CLVS1: variants seen among roughly 807,000 people sequenced by gnomAD.
CLVS1 encodes the protein clavesin-1.
In CLVS1, 10 loss-of-function variants were observed where a neutral mutation model predicts 33.1. That is an observed-to-expected ratio of 0.30 (90% CI 0.19 to 0.51). The LOEUF (loss-of-function observed/expected upper bound fraction) is 0.51, where lower values mean the gene tolerates loss of function less well. Among genes scored for constraint, CLVS1 ranks in the 20% least tolerant of loss-of-function variants. The pLI is 0.97. For synonymous variants in CLVS1, 163 were observed against 166.1 expected, an observed-to-expected ratio of 0.98 and a Z score of 0.14; for missense variants, 343 against 433.4, an observed-to-expected ratio of 0.79 and a Z score of 1.85.
chr8:61,393,751 T>C (rs1171625064), intron 3 of CLVS1, among the ~76,000 whole-genome samples: 2 of 152,156 alleles, frequency 1.3e-5, no homozygotes, highest in Admixed American at 1.3e-4. Flanking sequence ...AGTCCTGTGA[T>C]GTGATCCATT....
the CLVS1 span, among the ~76,000 whole-genome samples, chr8:61,044,366 C>T: frequency 6.6e-6 from 1 of 152,134 alleles, no homozygotes; most frequent in Non-Finnish European, 1.5e-5. Context: ...TGACCACATG[C>T]CAATCATGAA....
intron 1 of CLVS1, among the ~76,000 whole-genome samples, chr8:61,086,482 A>G (rs1414319526): frequency 1.3e-5 from 2 of 152,214 alleles, no homozygotes; most frequent in Non-Finnish European, 2.9e-5. Context: ...AGCAATATTC[A>G]TGGTTTATCT....
intron 1 of CLVS1, among the ~76,000 whole-genome samples, chr8:61,114,577 C>T (rs1805684084): frequency 6.6e-6 from 1 of 152,186 alleles, no homozygotes; most frequent in Non-Finnish European, 1.5e-5. Context: ...CTAGCTGCTA[C>T]ACTACATTTC....
At chr8:61,271,692 G>C (rs1279627550) in intron 2 of CLVS1, among the ~76,000 whole-genome samples, 1 of 92,224 alleles carries the variant, frequency 1.1e-5, no homozygotes, top group Non-Finnish European at 1.9e-5. Flanking sequence ...TATGAATCTG[G>C]GTGCTCCTGT....
the CLVS1 span, among the ~76,000 whole-genome samples, chr8:60,987,197 C>T: frequency 6.6e-6 from 1 of 152,190 alleles, no homozygotes; most frequent in Admixed American, 6.5e-5. Context: ...AGGGGAGCCA[C>T]ATACCCAGCT....
At position 61,355,815 on chromosome 8, in the gene CLVS1, G is replaced by T. The variant is rs568647672; in HGVS notation, c.456-20790G>T. On this transcript the variant is annotated intron_variant, in intron 2 of 5. Transcript: ENST00000325897. ...CATTTTCTTAATCCAGTCTATCATT[G>T]TTGGACATTTGGGTTGGTTCCAAGT... is the stretch of plus-strand genomic sequence containing the variant. Among the ~76,000 whole-genome samples, 79 of 152,090 alleles carry T rather than the reference G, an allele frequency of 5.2e-4. 1 individual carries two copies. Among genetic ancestry groups the T allele is most frequent in the African/African-American group, 1.9e-3 (78 of 41,418 alleles).
chr8:61,351,691 G>A (rs749437173), intron 2 of CLVS1, among the ~76,000 whole-genome samples: 5 of 151,944 alleles, frequency 3.3e-5, no homozygotes, highest in Non-Finnish European at 7.4e-5. Context: ...CAGTCAGAGA[G>A]AAAGAACACA....
At chr8:61,263,959 C>T (rs1429896533) in intron 2 of CLVS1, among the ~76,000 whole-genome samples, 3 of 152,088 alleles carry the variant, frequency 2.0e-5, no homozygotes, top group Admixed American at 6.5e-5. Context: ...TGGTAATTGT[C>T]GCAGAGATTG....
At chr8:61,120,631 C>A (rs1318451773) in intron 1 of CLVS1, among the ~76,000 whole-genome samples, 2 of 128,680 alleles carry the variant, frequency 1.6e-5, no homozygotes, top group African/African-American at 3.2e-5. Context: ...AATACCCTGC[C>A]GTGTGAGGTG....
At chr8:61,185,369 G>A (rs947248249) in intron 2 of CLVS1, among the ~76,000 whole-genome samples, 6 of 150,764 alleles carry the variant, frequency 4.0e-5, no homozygotes, top group Non-Finnish European at 5.9e-5. Flanking sequence ...GCCCAGGCTG[G>A]TCTTCAACTC....
intron 1 of CLVS1, chr8:61,090,795 G>C: frequency 2.0e-6 from 1 of 491,778 alleles, no homozygotes; most frequent in Non-Finnish European, 4.0e-6. Context: ...TTTTCCTCTA[G>C]GATGGATTAT....
intron 2 of CLVS1, among the ~76,000 whole-genome samples, chr8:61,275,118 G>A (rs1004194370): frequency 3.3e-5 from 5 of 151,990 alleles, no homozygotes; most frequent in Non-Finnish European, 4.4e-5. Flanking sequence ...AAATATTATC[G>A]AACCCAGAGA....
chr8:61,165,854 A>G (rs1806851873), intron 2 of CLVS1, among the ~76,000 whole-genome samples: 1 of 152,160 alleles, frequency 6.6e-6, no homozygotes, highest in Non-Finnish European at 1.5e-5. Flanking sequence ...TTTGTTGACA[A>G]TAGCTTTTGA....
At chr8:61,271,863 G>C (rs1440688858) in intron 2 of CLVS1, among the ~76,000 whole-genome samples, 1 of 150,226 alleles carries the variant, frequency 6.7e-6, no homozygotes, top group African/African-American at 2.5e-5. Context: ...TTTTCCATTT[G>C]CTTGGTAGAT....
chr8:61,494,063 A>G (rs1317014801), intron 5 of CLVS1, among the ~76,000 whole-genome samples: 1 of 152,218 alleles, frequency 6.6e-6, no homozygotes, highest in Non-Finnish European at 1.5e-5. Flanking sequence ...ATTTTTGAAC[A>G]TAAAAGTAGA....
At chr8:61,443,500 A>G (rs1331169022) in intron 3 of CLVS1, among the ~76,000 whole-genome samples, 1 of 152,154 alleles carries the variant, frequency 6.6e-6, no homozygotes, top group Non-Finnish European at 1.5e-5. Context: ...GTTGAAAACT[A>G]TCTTTATGCC....
rs1400284055 is a variant in CLVS1 at position 61,367,210 on chromosome 8, T to C, written c.456-9395T>C. Reference sequence around the variant, plus strand: ...TTCCTGCTGCCAGCCCAAATCTCCCTGAGGCACAGAAGCCATCATTTCCTT... The same window carrying C: ...TTCCTGCTGCCAGCCCAAATCTCCCCGAGGCACAGAAGCCATCATTTCCTT... On this transcript the variant is annotated intron_variant, in intron 2 of 5. Transcript: ENST00000325897. Among the ~76,000 whole-genome samples the C allele has an allele frequency of 3.9e-5, 6 of 152,246 alleles. No homozygotes were observed. In the East Asian group the frequency reaches 1.2e-3, roughly 29 times the overall value.
At chr8:61,041,559 T>A in the CLVS1 span, among the ~76,000 whole-genome samples, 1 of 152,148 alleles carries the variant, frequency 6.6e-6, no homozygotes, top group African/African-American at 2.4e-5. Flanking sequence ...GTTAGCTGTA[T>A]TCCTGGATAT....
intron 1 of CLVS1, among the ~76,000 whole-genome samples, chr8:61,087,885 T>C (rs1477022038): frequency 6.6e-6 from 1 of 152,186 alleles, no homozygotes; most frequent in African/African-American, 2.4e-5. Context: ...ACTGAAGAAA[T>C]AGAAATGCCT....
Sources: allele counts gnomAD v4.1 joint callset (sites outside exome capture counted in the v4.1 genomes callset), GRCh38; gene constraint gnomAD v4.1.1; transcripts MANE v1.5; gene names NCBI Gene and HGNC (gene_info 2026-07-23, HGNC 2026-07-21).